The following NCAM2 variants were observed in gnomAD, a reference collection of about 807,000 sequenced individuals.
NCAM2 encodes N-CAM-2.
NCAM2 carries 30 observed loss-of-function variants against 98.1 expected under a neutral mutation model. That is an observed-to-expected ratio of 0.31 (90% CI 0.23 to 0.41). The LOEUF is 0.41. Ranked by LOEUF, NCAM2 falls within the 10% of genes least tolerant of loss-of-function variation. The pLI is 1.00. For synonymous variants in NCAM2, 368 were observed against 342.4 expected (o/e 1.07, Z -0.83); for missense variants, 867 against 1,005.8 (o/e 0.86, Z 1.87).
intron 1 of NCAM2, among the ~76,000 whole-genome samples, chr21:21,081,782 C>T (rs1207936866): frequency 6.6e-6 from 1 of 150,780 alleles, no homozygotes. Flanking sequence ...GCCAGGGTGG[C>T]AGAATGAGAC....
intron 8 of NCAM2, among the ~76,000 whole-genome samples, chr21:21,349,210 T>C (rs2075271128): frequency 6.6e-6 from 1 of 152,110 alleles, no homozygotes; most frequent in Non-Finnish European, 1.5e-5. Flanking sequence ...AGAATATATA[T>C]GGAGCTCAAA....
chr21:21,343,771 G>C (rs984499596), intron 8 of NCAM2, among the ~76,000 whole-genome samples: 2 of 152,136 alleles, frequency 1.3e-5, no homozygotes, highest in African/African-American at 4.8e-5. Context: ...AGTGCTCTGT[G>C]TCTCCCAGTA....
intron 12 of NCAM2, among the ~76,000 whole-genome samples, chr21:21,461,746 A>T (rs1014326113): frequency 6.6e-5 from 10 of 152,022 alleles, no homozygotes; most frequent in African/African-American, 2.4e-4. Flanking sequence ...TATGCAAGTA[A>T]TGAGAACTTC....
chr21:21,237,949 C>CTTTTT lies in NCAM2; in HGVS notation c.56-42609_56-42605dup, dbSNP rs71195313. 3.2e-3 allele frequency among the ~76,000 whole-genome samples: 363 copies of CTTTTT among 114,438 alleles called. 16 individuals carry two copies. The highest frequency in any genetic ancestry group is 6.1e-3 in the African/African-American group (175 of 28,578). 75.1% of individuals were successfully genotyped at this position (114,438 alleles called of 152,430 possible). A position where few individuals can be genotyped will look rare whatever the true frequency, so the allele number is the denominator to read the frequency against. On this transcript the variant is annotated intron_variant, in intron 1 of 17. Transcript: ENST00000400546. ...AAATTTTGTCCAGGGCATTGTAATT[C>CTTTTT]TTTTTTTTTTTTTTTTTTTTTTTTG...
intron 1 of NCAM2, among the ~76,000 whole-genome samples, chr21:21,029,653 A>T (rs1200530540): frequency 6.6e-6 from 1 of 151,824 alleles, no homozygotes; most frequent in Non-Finnish European, 1.5e-5. Context: ...TTTTTTTGAG[A>T]TGGAGTCTCG....
rs2065778475 is a variant in NCAM2, at chr21:21,080,676, A to AAC, written c.55+82059_55+82060insCA. Among the ~76,000 whole-genome samples, 11 of 147,436 alleles carry AAC rather than the reference A, an allele frequency of 7.5e-5. No individual in the cohort carries two copies. The South Asian group carries it at 2.0e-3, about 26-fold the overall frequency. On this transcript the variant is annotated intron_variant, in intron 1 of 17. Transcript: ENST00000400546. ...GATCTCAAAAAAAAAAAAAAAAAAAAAAAACCAACATTGATTCATACCCCT... is the reference window on the plus strand; with the variant it reads ...GATCTCAAAAAAAAAAAAAAAAAAAAACAAAACCAACATTGATTCATACCCCT...
chr21:21,021,239 G>A (rs902338560), intron 1 of NCAM2, among the ~76,000 whole-genome samples: 1 of 151,922 alleles, frequency 6.6e-6, no homozygotes, highest in African/African-American at 2.4e-5. Context: ...ATTTAAAGGG[G>A]TCCTTATTAA....
Position 21,272,507 on chromosome 21 carries a change from C to T in NCAM2, c.56-8071C>T, listed in dbSNP as rs879213334. ...ACACATACACACACATGCGCGCGCG[C>T]GCACACACACACACACACACACACA... On this transcript the variant is annotated intron_variant, in intron 1 of 17. Coordinates refer to ENST00000400546, the MANE Select transcript of NCAM2 (RefSeq NM_004540.5). Among the ~76,000 whole-genome samples, 121 of 57,362 alleles carry T rather than the reference C, an allele frequency of 2.1e-3. 1 individual carries two copies. In the East Asian group the frequency reaches 0.023, roughly 11 times the overall value. 37.6% of individuals were successfully genotyped at this position (57,362 alleles called of 152,430 possible).
chr21:21,079,202 A>C (rs1210310804), intron 1 of NCAM2, among the ~76,000 whole-genome samples: 1 of 150,314 alleles, frequency 6.7e-6, no homozygotes, highest in Non-Finnish European at 1.5e-5. Context: ...AAGTAAAATA[A>C]AAAACAAACA....
intron 1 of NCAM2, among the ~76,000 whole-genome samples, chr21:21,008,073 T>C (rs2064142937): frequency 6.6e-6 from 1 of 152,182 alleles, no homozygotes; most frequent in Non-Finnish European, 1.5e-5. Context: ...GTATCATGCA[T>C]GAGAGAAATG....
At chr21:21,454,378 T>G (rs572606846) in intron 12 of NCAM2, among the ~76,000 whole-genome samples, 1 of 152,170 alleles carries the variant, frequency 6.6e-6, no homozygotes, top group South Asian at 2.1e-4. Flanking sequence ...AATCCCACAT[T>G]CCAGCAGCTA....
intron 1 of NCAM2, among the ~76,000 whole-genome samples, chr21:21,207,449 C>T (rs1208220110): frequency 2.6e-5 from 4 of 152,078 alleles, no homozygotes; most frequent in African/African-American, 9.7e-5. Flanking sequence ...GTGTTTGAAT[C>T]TGTCATGCCA....
intron 1 of NCAM2, among the ~76,000 whole-genome samples, chr21:21,265,101 A>G (rs1390278782): frequency 1.2e-4 from 4 of 33,856 alleles, no homozygotes; most frequent in African/African-American, 4.1e-4. Flanking sequence ...ATATATACAT[A>G]TATAATATAT....
intron 1 of NCAM2, among the ~76,000 whole-genome samples, chr21:21,024,976 T>C (rs2064513710): frequency 6.6e-6 from 1 of 152,226 alleles, no homozygotes; most frequent in Admixed American, 6.5e-5. Context: ...CAGAATTTTA[T>C]GTGCTTTAAA....
At chr21:21,367,647 T>G (rs1317641751) in intron 8 of NCAM2, among the ~76,000 whole-genome samples, 1 of 151,998 alleles carries the variant, frequency 6.6e-6, no homozygotes, top group African/African-American at 2.4e-5. Context: ...ATTTATTGCT[T>G]AGATCTGCAT....
intron 1 of NCAM2, among the ~76,000 whole-genome samples, chr21:21,097,365 G>T (rs1569019739): frequency 1.3e-5 from 2 of 151,648 alleles, no homozygotes; most frequent in Admixed American, 1.3e-4. Flanking sequence ...TGGGAAGCAG[G>T]TATTATTTCA....
At chr21:21,477,851 G>A (rs73216074) in intron 15 of NCAM2, among the ~76,000 whole-genome samples, 2,755 of 152,230 alleles carry the variant, frequency 0.018, 27 homozygotes, top group South Asian at 0.039. Context: ...AGATTTGACC[G>A]AAGGTAATGA....
rs182072676 is a variant in NCAM2 at position 21,008,645 on chromosome 21, T to G, written c.55+10027T>G. Among the ~76,000 whole-genome samples, 297 of 152,316 alleles carry G rather than the reference T, an allele frequency of 1.9e-3. 2 individuals carry two copies. The highest frequency in any genetic ancestry group is 7.2e-4 in the Non-Finnish European group (49 of 68,010). On this transcript the variant is annotated intron_variant, in intron 1 of 17. Transcript: ENST00000400546. ...TCTGGTTTTACTTAAAGGTTTGTTT[T>G]ACTCACATCCATGAAGCAGTTACCA... is the stretch of plus-strand genomic sequence containing the variant.
intron 5 of NCAM2, among the ~76,000 whole-genome samples, chr21:21,311,471 G>A (rs535524357): frequency 2.6e-5 from 4 of 151,590 alleles, no homozygotes; most frequent in South Asian, 4.2e-4. Flanking sequence ...CTCCTGAGTC[G>A]CTGGGACTAC....
Sources: allele counts gnomAD v4.1 joint callset (sites outside exome capture counted in the v4.1 genomes callset), GRCh38; gene constraint gnomAD v4.1.1; transcripts MANE v1.5; gene names NCBI Gene and HGNC (gene_info 2026-07-23, HGNC 2026-07-21).